Variants in NIPAL2 observed in about 807,000 individuals in gnomAD.
NIPAL2 encodes the protein NIPA like domain containing 2, also known as NIPA-like protein 2.
In NIPAL2, 43 loss-of-function variants were observed where a neutral mutation model predicts 48.9. The observed-to-expected ratio is 0.88, with a 90% confidence interval of 0.69 to 1.13. The LOEUF (loss-of-function observed/expected upper bound fraction) is 1.13. Among genes scored for constraint, NIPAL2 ranks in the 50% most tolerant of loss-of-function variants. The probability of loss-of-function intolerance (pLI) is 0.00; values close to 1 mark genes in which losing one functional copy is unlikely to be tolerated. For missense variants in NIPAL2, 446 were observed against 461.4 expected, an observed-to-expected ratio of 0.97 and a Z score of 0.31; for synonymous variants, 167 against 174.6, an observed-to-expected ratio of 0.96 and a Z score of 0.34.
intron 1 of NIPAL2, among the ~76,000 whole-genome samples, chr8:98,276,899 A>T (rs1256768768): frequency 6.6e-6 from 1 of 151,650 alleles, no homozygotes; most frequent in Non-Finnish European, 1.5e-5. Flanking sequence ...TAGCCTCCTG[A>T]GTAGCTGGAA....
chr8:98,288,083 A>T lies in NIPAL2; in HGVS notation c.135+5920T>A, dbSNP rs1007675663. On this transcript the variant is annotated intron_variant, in intron 1 of 10. Coordinates refer to ENST00000430223, the MANE Select transcript of NIPAL2 (RefSeq NM_001321635.2). ...ACTTTAAGTTTTAGGGTACATGTGCACATTGTGCAGGTTAGTTACATATGT... is the reference window on the plus strand; with the variant it reads ...ACTTTAAGTTTTAGGGTACATGTGCTCATTGTGCAGGTTAGTTACATATGT... Among the ~76,000 whole-genome samples the T allele has an allele frequency of 2.0e-5, 3 of 152,082 alleles. No homozygotes were observed. The South Asian group carries it at 6.2e-4, about 32-fold the overall frequency.
At chr8:98,283,860 G>A (rs996151566) in intron 1 of NIPAL2, among the ~76,000 whole-genome samples, 1 of 152,136 alleles carries the variant, frequency 6.6e-6, no homozygotes, top group African/African-American at 2.4e-5. Flanking sequence ...GCCTTGATAT[G>A]GGGAGGGATT....
chr8:98,243,098 G>A (rs1324690477), intron 3 of NIPAL2, among the ~76,000 whole-genome samples: 1 of 152,070 alleles, frequency 6.6e-6, no homozygotes, highest in Non-Finnish European at 1.5e-5. Flanking sequence ...TGTTTCCTTT[G>A]GTGCAAAATG....
At chr8:98,266,670 G>T (rs1814770956) in intron 1 of NIPAL2, among the ~76,000 whole-genome samples, 1 of 151,682 alleles carries the variant, frequency 6.6e-6, no homozygotes, top group African/African-American at 2.4e-5. Context: ...TGATCAAAGA[G>T]GGCCAGAATT....
At chr8:98,199,663 A>G (rs1810715078) in intron 8 of NIPAL2, among the ~76,000 whole-genome samples, 1 of 152,192 alleles carries the variant, frequency 6.6e-6, no homozygotes, top group Non-Finnish European at 1.5e-5. Flanking sequence ...CGTAACAGAT[A>G]TAATAATAAC....
At chr8:98,235,836 T>C (rs1184655771) in intron 4 of NIPAL2, among the ~76,000 whole-genome samples, 2 of 151,520 alleles carry the variant, frequency 1.3e-5, no homozygotes, top group Non-Finnish European at 2.9e-5. Flanking sequence ...TATAATTCAG[T>C]GCATTATAAT....
At chr8:98,287,378 C>T (rs1167303435) in intron 1 of NIPAL2, among the ~76,000 whole-genome samples, 2 of 152,166 alleles carry the variant, frequency 1.3e-5, no homozygotes, top group Non-Finnish European at 2.9e-5. Context: ...TAGAAAATGA[C>T]TCTCATTAGG....
At chr8:98,254,476 A>G (rs1813766668) in intron 1 of NIPAL2, among the ~76,000 whole-genome samples, 1 of 152,184 alleles carries the variant, frequency 6.6e-6, no homozygotes, top group Non-Finnish European at 1.5e-5. Context: ...CTACAAGGTA[A>G]AGGATAAATC....
Position 98,277,064 on chromosome 8 carries a change from C to A in NIPAL2, c.135+16939G>T, listed in dbSNP as rs190846457. 7.2e-5 allele frequency among the ~76,000 whole-genome samples: 11 copies of A among 152,226 alleles called. No homozygotes were observed. In the East Asian group the frequency reaches 2.1e-3, roughly 29 times the overall value. On this transcript the variant is annotated intron_variant, in intron 1 of 10. Coordinates refer to ENST00000430223, the MANE Select transcript of NIPAL2 (RefSeq NM_001321635.2). ...GGATTACAGGCGTGAGCCAGTATAC[C>A]CAGCCCATGTTTACCCATTTCTTGC... is the stretch of plus-strand genomic sequence containing the variant.
chr8:98,234,252 T>TA (rs775837792), intron 4 of NIPAL2, among the ~76,000 whole-genome samples: 44 of 151,530 alleles, frequency 2.9e-4, no homozygotes, highest in South Asian at 4.2e-4. Flanking sequence ...CTTTTCTACT[T>TA]AAAAAAAAAC....
At chr8:98,229,409 G>C (rs1156629411) in intron 4 of NIPAL2, among the ~76,000 whole-genome samples, 1 of 152,208 alleles carries the variant, frequency 6.6e-6, no homozygotes, top group Non-Finnish European at 1.5e-5. Context: ...GTCTCACTCT[G>C]TTACCCATGC....
rs181318616 is a variant in NIPAL2 at position 98,235,358 on chromosome 8, A to G, written c.436+797T>C. ...TCAACACATAAGTGATGGCTTTGCC[A>G]TACATCAGAAATGTTTCTTACAGCC... On this transcript the variant is annotated intron_variant, in intron 4 of 10. Coordinates refer to ENST00000430223, the MANE Select transcript of NIPAL2 (RefSeq NM_001321635.2). Among the ~76,000 whole-genome samples, 304 of 152,376 alleles carry G rather than the reference A, an allele frequency of 2.0e-3. 1 individual carries two copies. Among genetic ancestry groups the G allele is most frequent in the Admixed American group, 3.7e-3 (56 of 15,306 alleles).
intron 1 of NIPAL2, among the ~76,000 whole-genome samples, chr8:98,256,858 T>C (rs968506780): frequency 2.6e-5 from 4 of 152,158 alleles, no homozygotes; most frequent in Non-Finnish European, 5.9e-5. Context: ...TTATATTCAA[T>C]AATAGCAGCA....
intron 6 of NIPAL2, among the ~76,000 whole-genome samples, chr8:98,211,816 GAGAC>G (rs1811337838): frequency 6.6e-6 from 1 of 151,362 alleles, no homozygotes; most frequent in African/African-American, 2.4e-5. Context: ...CAGGGACAGA[GAGAC>G]AGAAAGACAC....
chr8:98,255,495 A>G (rs1234862706), intron 1 of NIPAL2, among the ~76,000 whole-genome samples: 3 of 152,248 alleles, frequency 2.0e-5, no homozygotes, highest in Non-Finnish European at 4.4e-5. Context: ...GCAATAAGAC[A>G]CCAAATTCCA....
At chr8:98,214,696 TC>T (rs1488007826) in intron 5 of NIPAL2, among the ~76,000 whole-genome samples, 1 of 152,204 alleles carries the variant, frequency 6.6e-6, no homozygotes, top group Non-Finnish European at 1.5e-5. Flanking sequence ...TTTTCTCTAA[TC>T]CTTTGTGGGC....
intron 4 of NIPAL2, among the ~76,000 whole-genome samples, chr8:98,232,236 T>G (rs1020658920): frequency 1.3e-5 from 2 of 152,214 alleles, no homozygotes; most frequent in African/African-American, 4.8e-5. Flanking sequence ...AATCCTTTTT[T>G]CATTCCTATG....
Position 98,252,558 on chromosome 8 carries a change from A to G in NIPAL2, c.281T>C (p.Val94Ala). The change falls in exon 3 of 11, where the codon GTC becomes GCC. Residue 94 changes from valine to alanine, a missense_variant. Physicochemically the swap from Val to Ala is moderately conservative, Grantham distance 64. Coordinates refer to ENST00000430223, the MANE Select transcript of NIPAL2 (RefSeq NM_001321635.2). ...CGTCTCTCCCACGGCCATCAGCAGG[A>G]CACCACCCCACCACAGCACACTCTT... The part of the protein sequence containing the change: ...YFKSVLWWGG[V>A]LLMAVGETGN... The G allele has an allele frequency of 6.2e-7, 1 of 1,614,088 alleles. No homozygotes were observed. Among genetic ancestry groups the G allele is most frequent in the East Asian group, 2.2e-5 (1 of 44,874 alleles).
intron 1 of NIPAL2, among the ~76,000 whole-genome samples, chr8:98,273,602 A>G (rs546243064): frequency 6.6e-6 from 1 of 152,276 alleles, no homozygotes; most frequent in East Asian, 1.9e-4. Context: ...GTCCAAAGAA[A>G]CAAGATACTA....
Sources: allele counts gnomAD v4.1 joint callset (sites outside exome capture counted in the v4.1 genomes callset), GRCh38; gene constraint gnomAD v4.1.1; transcripts MANE v1.5; gene names NCBI Gene and HGNC (gene_info 2026-07-23, HGNC 2026-07-21).